Variants in ZNF536 observed in about 807,000 individuals in gnomAD.
The protein encoded by ZNF536 is zinc finger protein 536.
In ZNF536, 13 loss-of-function variants were observed where a neutral mutation model predicts 84.5. The ratio of observed to expected loss-of-function variants is 0.15; its 90% confidence interval spans 0.10 to 0.24. ZNF536 has a LOEUF of 0.24. ZNF536 is among the 10% of genes least tolerant of loss of function. The pLI, the probability that ZNF536 is intolerant of heterozygous loss-of-function variation, is 1.00. For synonymous variants in ZNF536, 811 were observed against 742.5 expected (o/e 1.09, Z -1.50); for missense variants, 1,536 against 1,747.5 (o/e 0.88, Z 2.16).
intron 2 of ZNF536, among the ~76,000 whole-genome samples, chr19:30,474,537 C>T (rs1039648987): frequency 6.6e-6 from 1 of 152,140 alleles, no homozygotes; most frequent in Non-Finnish European, 1.5e-5. Flanking sequence ...TGTGAACTCC[C>T]CCAACCCCTC....
intron 2 of ZNF536, among the ~76,000 whole-genome samples, chr19:30,494,945 C>CAAAAAAAAAAAAAAAAAAAAAAAAAAAAA (rs1252256481): frequency 1.4e-5 from 1 of 69,954 alleles, no homozygotes; most frequent in Non-Finnish European, 2.8e-5. Flanking sequence ...GACTCCGTCT[C>CAAAAAAAAAAAAAAAAAAAAAAAAAAAAA]AAAAAAGAAA....
intron 2 of ZNF536, among the ~76,000 whole-genome samples, chr19:30,485,149 C>CATAAATAAATAAATAAATAAATAA (rs199876994): frequency 2.7e-5 from 4 of 146,270 alleles, no homozygotes; most frequent in African/African-American, 8.1e-5. Flanking sequence ...GTCTCAAAAA[C>CATAAATAAATAAATAAATAAATAA]ATAAATAAAT....
Position 30,444,389 on chromosome 19 carries a change from G to T in ZNF536, c.827G>T (p.Cys276Phe). 6.2e-7 allele frequency: 1 copy of T among 1,606,328 alleles called. No individual in the cohort carries two copies. Residue 276 changes from cysteine (C) to phenylalanine (F), a missense_variant, in exon 2 of 5, where the codon TGT becomes TTT. This residue lies in a region of ZNF536 where 61 missense variants were observed against 104.0 expected (regional missense o/e 0.59). Transcript: ENST00000355537. ...DAVAPAAGFR[C>F]TFCKGKFKKR... ...GTGGCCCCGGCGGCGGGCTTCCGCT[G>T]TACCTTCTGCAAGGGCAAGTTCAAG...
intron 1 of ZNF536, among the ~76,000 whole-genome samples, chr19:30,383,721 TTC>T (rs2049139510): frequency 2.7e-5 from 1 of 36,412 alleles, no homozygotes; most frequent in Non-Finnish European, 6.1e-5. Flanking sequence ...CTTTCTTTCT[TTC>T]TTTCTTTCTT....
chr19:30,416,881 G>A (rs1166640926), intron 1 of ZNF536, among the ~76,000 whole-genome samples: 1 of 152,074 alleles, frequency 6.6e-6, no homozygotes, highest in Non-Finnish European at 1.5e-5. Flanking sequence ...TTGAGTTTTT[G>A]TGGATCAGCT....
chr19:30,687,576 C>T (rs936033228), intron 1 of ZNF536, among the ~76,000 whole-genome samples: 2 of 152,186 alleles, frequency 1.3e-5, no homozygotes, highest in African/African-American at 4.8e-5. Context: ...TCAGTGTAAA[C>T]TCAAGGTCAC....
intron 1 of ZNF536, among the ~76,000 whole-genome samples, chr19:30,378,965 C>T (rs2048917118): frequency 6.6e-6 from 1 of 152,146 alleles, no homozygotes; most frequent in African/African-American, 2.4e-5. Context: ...TCTGGATTTC[C>T]CAGAGTCCCA....
intron 1 of ZNF536, among the ~76,000 whole-genome samples, chr19:30,264,966 T>TGTGTGTGTGTGTGTGTGTGAGAGA (rs59889852): frequency 2.2e-5 from 3 of 133,776 alleles, no homozygotes; most frequent in Admixed American, 7.7e-5. Context: ...TGTGTGTGTG[T>TGTGTGTGTGTGTGTGTGTGAGAGA]GAGAGAGAGA....
At chr19:30,705,448 C>T (rs78477996) in intron 1 of ZNF536, among the ~76,000 whole-genome samples, 2,614 of 152,248 alleles carry the variant, frequency 0.017, 76 homozygotes, top group African/African-American at 0.057. Context: ...ATTTTAATCA[C>T]AGTCTTTGTA....
chr19:30,286,239 C>T (rs370223467), intron 2 of ZNF536, among the ~76,000 whole-genome samples: 58 of 152,158 alleles, frequency 3.8e-4, no homozygotes, highest in African/African-American at 1.3e-3. Flanking sequence ...GTAGTGCGGG[C>T]GAGATGTATT....
At chr19:30,675,675 G>A (rs942759481) in intron 1 of ZNF536, among the ~76,000 whole-genome samples, 4 of 152,238 alleles carry the variant, frequency 2.6e-5, no homozygotes, top group African/African-American at 4.8e-5. Flanking sequence ...TAATGAGTGC[G>A]CCCACTCTGA....
At chr19:30,472,608 A>G (rs992000198) in intron 2 of ZNF536, among the ~76,000 whole-genome samples, 1 of 152,228 alleles carries the variant, frequency 6.6e-6, no homozygotes, top group Non-Finnish European at 1.5e-5. Context: ...TTCGAGGCAC[A>G]GGTGACTTAA....
At chr19:30,689,452 C>G (rs1372659649) in intron 1 of ZNF536, among the ~76,000 whole-genome samples, 1 of 152,190 alleles carries the variant, frequency 6.6e-6, no homozygotes, top group African/African-American at 2.4e-5. Flanking sequence ...ATGCTCATTG[C>G]TGCTTTCCTT....
At position 30,443,745 on chromosome 19, in the gene ZNF536, C is replaced by G. The variant is rs761702298; in HGVS notation, c.183C>G (p.Pro61=). The G allele has an allele frequency of 6.2e-7, 1 of 1,612,868 alleles. No individual in the cohort carries two copies. The highest frequency in any genetic ancestry group is 8.5e-7 in the Non-Finnish European group (1 of 1,179,602). The change falls in exon 2 of 5, where the codon CCC becomes CCG. Residue 61 remains proline (P), a synonymous_variant. Coordinates refer to ENST00000355537, the MANE Select transcript of ZNF536 (RefSeq NM_014717.3). Reference sequence around the variant, plus strand: ...GGCCCAACCCCGAGGAGAAGCCCCCCGCATCCCTGGAGGAGAAGGCCCACG... The same window carrying G: ...GGCCCAACCCCGAGGAGAAGCCCCCGGCATCCCTGGAGGAGAAGGCCCACG... ...HPRPNPEEKP[P]ASLEEKAHVP... is the part of the protein sequence containing the mutation.
At chr19:30,691,874 G>T (rs2051424616) in intron 1 of ZNF536, among the ~76,000 whole-genome samples, 1 of 152,232 alleles carries the variant, frequency 6.6e-6, no homozygotes, top group Admixed American at 6.5e-5. Flanking sequence ...GAAGCACAGA[G>T]GGAGAGAAAG....
upstream of ZNF536, among the ~76,000 whole-genome samples, chr19:30,367,891 C>T (rs917852646): frequency 2.0e-5 from 3 of 152,220 alleles, no homozygotes; most frequent in African/African-American, 4.8e-5. Context: ...CTTCCTCCTG[C>T]ACCTTCCCAT....
intron 2 of ZNF536, among the ~76,000 whole-genome samples, chr19:30,499,020 A>G (rs1475520763): frequency 4.3e-5 from 6 of 141,122 alleles, no homozygotes; most frequent in African/African-American, 1.5e-4. Context: ...CTTATTTGGT[A>G]CTTCTTTTTC....
At chr19:30,345,796 T>G (rs2047722586) in intron 2 of ZNF536, among the ~76,000 whole-genome samples, 1 of 152,172 alleles carries the variant, frequency 6.6e-6, no homozygotes. Flanking sequence ...TCATCCAGTG[T>G]CATCCCGGGG....
At chr19:30,428,325 C>T (rs2051302629) in intron 1 of ZNF536, among the ~76,000 whole-genome samples, 1 of 152,192 alleles carries the variant, frequency 6.6e-6, no homozygotes, top group East Asian at 1.9e-4. Flanking sequence ...TCAAGTACTT[C>T]CTAGCAGTGA....
Sources: allele counts gnomAD v4.1 joint callset (sites outside exome capture counted in the v4.1 genomes callset), GRCh38; gene constraint gnomAD v4.1.1; regional missense constraint gnomAD v4.1.1; transcripts MANE v1.5; gene names NCBI Gene and HGNC (gene_info 2026-07-23, HGNC 2026-07-21).